Variants in DGKH observed in about 807,000 individuals in gnomAD.
The protein encoded by DGKH is DAG kinase eta.
DGKH carries 90 observed loss-of-function variants against 159.3 expected under a neutral mutation model. The observed-to-expected ratio is 0.57, with a 90% CI of 0.48 to 0.67. DGKH has a LOEUF of 0.67. Among genes scored for constraint, DGKH ranks in the 30% least tolerant of loss-of-function variants. The pLI is 0.00. For synonymous variants in DGKH, 536 were observed against 553.8 expected (o/e 0.97, Z 0.45); for missense variants, 1,181 against 1,506.1 (o/e 0.78, Z 3.57).
chr13:42,061,848 G>GT (rs1882194496), intron 1 of DGKH, among the ~76,000 whole-genome samples: 1 of 152,190 alleles, frequency 6.6e-6, no homozygotes, highest in African/African-American at 2.4e-5. Context: ...AAGCCCTGCT[G>GT]TTATAGAGCT....
intron 28 of DGKH, among the ~76,000 whole-genome samples, chr13:42,220,754 C>T (rs1004391835): frequency 6.6e-6 from 1 of 152,024 alleles, no homozygotes; most frequent in African/African-American, 2.4e-5. Context: ...CATTGATTGC[C>T]GTTATTATCA....
chr13:42,207,594 T>A (rs184835465), intron 21 of DGKH, among the ~76,000 whole-genome samples: 7 of 151,610 alleles, frequency 4.6e-5, no homozygotes, highest in Non-Finnish European at 8.8e-5. Flanking sequence ...ATTTTTGTTT[T>A]TCTTTTCATA....
At chr13:42,098,269 T>C (rs969104422) in intron 1 of DGKH, among the ~76,000 whole-genome samples, 20 of 152,292 alleles carry the variant, frequency 1.3e-4, no homozygotes, top group African/African-American at 4.8e-4. Flanking sequence ...GGCAGATCAC[T>C]GGAGGCCAGA....
chr13:42,169,699 A>G (rs1197712387), intron 11 of DGKH, among the ~76,000 whole-genome samples: 2 of 152,232 alleles, frequency 1.3e-5, no homozygotes, highest in Non-Finnish European at 1.5e-5. Context: ...AAGATGGGCT[A>G]TAACCTAATT....
intron 3 of DGKH, among the ~76,000 whole-genome samples, chr13:42,154,235 T>A (rs1336701722): frequency 6.6e-6 from 1 of 152,202 alleles, no homozygotes; most frequent in Non-Finnish European, 1.5e-5. Flanking sequence ...TTGAGAAAAA[T>A]TCTTATTTGG....
intron 1 of DGKH, among the ~76,000 whole-genome samples, chr13:42,080,996 G>A (rs1471588415): frequency 2.6e-5 from 4 of 152,122 alleles, no homozygotes; most frequent in African/African-American, 9.7e-5. Context: ...CACAGAGCCT[G>A]ACTCCTAATT....
At chr13:42,168,021 G>A (rs1040826404) in intron 9 of DGKH, among the ~76,000 whole-genome samples, 1 of 152,130 alleles carries the variant, frequency 6.6e-6, no homozygotes, top group Non-Finnish European at 1.5e-5. Flanking sequence ...ACAATGATTG[G>A]TGTCTTTAGG....
chr13:42,105,120 T>C (rs1043532336), intron 1 of DGKH, among the ~76,000 whole-genome samples: 1 of 152,128 alleles, frequency 6.6e-6, no homozygotes, highest in African/African-American at 2.4e-5. Context: ...GATTGGATAA[T>C]TTATAATGAA....
intron 5 of DGKH, 22 bp from the exon 6 acceptor site, chr13:42,159,244 C>CTTTTT (rs57531279): frequency 0.011 from 2,379 of 214,538 alleles, 401 homozygotes; most frequent in Middle Eastern, 0.017. Context: ...AGCAGTTGCT[C>CTTTTT]TTTTTTTTTT....
intron 1 of DGKH, among the ~76,000 whole-genome samples, chr13:42,117,454 A>G (rs1954986114): frequency 6.6e-6 from 1 of 152,232 alleles, no homozygotes; most frequent in South Asian, 2.1e-4. Context: ...TTAGCCGTAC[A>G]TAAACAGAAG....
At chr13:42,173,992 T>C in intron 11 of DGKH, 68 bp from the exon 12 acceptor site, 1 of 1,109,078 alleles carries the variant, frequency 9.0e-7, no homozygotes, top group Non-Finnish European at 1.4e-6. Context: ...TGCGCGTTTA[T>C]GAGATGCTAA....
intron 11 of DGKH, among the ~76,000 whole-genome samples, chr13:42,172,600 G>A (rs1233595391): frequency 6.6e-6 from 1 of 152,162 alleles, no homozygotes; most frequent in Non-Finnish European, 1.5e-5. Context: ...CTTCAGCTGT[G>A]TTATGCTTTT....
In DGKH at chr13:42,159,996, C is replaced by A. The variant is rs376451530; in HGVS notation, c.730-15C>A. The A allele has an allele frequency of 6.8e-6, 11 of 1,614,084 alleles. No homozygotes were observed. The highest frequency in any genetic ancestry group is 1.3e-5 in the African/African-American group (1 of 74,932). ...GCCAGTCTTCACCTGGCTGCCCTTT[C>A]TTCCTTCTCCACAGGTCGCGATGCC... is the stretch of plus-strand genomic sequence containing the variant. On this transcript the variant is annotated splice_polypyrimidine_tract_variant and intron_variant, in intron 6 of 29. Coordinates refer to ENST00000337343, the MANE Select transcript of DGKH (RefSeq NM_178009.5).
At chr13:42,120,081 G>T (rs1419614582) in intron 1 of DGKH, among the ~76,000 whole-genome samples, 2 of 152,166 alleles carry the variant, frequency 1.3e-5, no homozygotes, top group African/African-American at 4.8e-5. Flanking sequence ...CCATGAAACT[G>T]GATAGGACAT....
intron 7 of DGKH, among the ~76,000 whole-genome samples, chr13:42,162,941 C>T (rs1483026354): frequency 6.6e-6 from 1 of 150,732 alleles, no homozygotes; most frequent in African/African-American, 2.4e-5. Flanking sequence ...ATACATGTGC[C>T]ATGCTAGTGT....
chr13:42,087,717 A>C (rs1566094228), intron 1 of DGKH, among the ~76,000 whole-genome samples: 2 of 151,408 alleles, frequency 1.3e-5, no homozygotes, highest in Non-Finnish European at 2.9e-5. Context: ...ACACAATATA[A>C]AACAGAATAA....
chr13:42,224,633 G>A (rs910794354), intron 29 of DGKH, among the ~76,000 whole-genome samples: 6 of 150,236 alleles, frequency 4.0e-5, no homozygotes, highest in Non-Finnish European at 3.0e-5. Flanking sequence ...CTTTATGCAG[G>A]CCTACAAGGT....
At chr13:42,186,783 T>C (rs1360632887) in intron 13 of DGKH, among the ~76,000 whole-genome samples, 1 of 152,210 alleles carries the variant, frequency 6.6e-6, no homozygotes, top group African/African-American at 2.4e-5. Flanking sequence ...AAAAATAATT[T>C]AAATGTTTGA....
rs1956115543 is a variant in DGKH at position 42,159,244 on chromosome 13, C to CTATTTTTTTT, written c.623-21_623-20insATTTTTTTTT. 2.8e-5 allele frequency: 6 copies of CTATTTTTTTT among 215,498 alleles called. 1 individual carries two copies. The highest frequency in any genetic ancestry group is 1.1e-4 in the Admixed American group (1 of 9,216). The allele number at this position is 215,498 out of a possible 1,614,324, so 13.3% of individuals were successfully genotyped here. On this transcript the variant is annotated intron_variant, in intron 5 of 29. Coordinates refer to ENST00000337343, the MANE Select transcript of DGKH (RefSeq NM_178009.5). ...TCTTGTCCACTTAAAAGCAGTTGCT[C>CTATTTTTTTT]TTTTTTTTTTTTTTTTTTTAGTGTG...
Sources: allele counts gnomAD v4.1 joint callset (sites outside exome capture counted in the v4.1 genomes callset), GRCh38; gene constraint gnomAD v4.1.1; transcripts MANE v1.5; gene names NCBI Gene and HGNC (gene_info 2026-07-23, HGNC 2026-07-21).